The following SIPA1L3 variants were observed in gnomAD, a reference collection of about 807,000 sequenced individuals.
The protein encoded by SIPA1L3 is signal-induced proliferation-associated 1-like protein 3.
SIPA1L3 carries 59 observed loss-of-function variants against 150.1 expected under a neutral mutation model. The observed-to-expected ratio is 0.39, with a 90% CI of 0.32 to 0.49. SIPA1L3 has a LOEUF of 0.49. SIPA1L3 is among the 20% of genes least tolerant of loss of function. SIPA1L3 has a pLI of 0.86. For synonymous variants in SIPA1L3, 1,070 were observed against 1,077.6 expected, an observed-to-expected ratio of 0.99 and a Z score of 0.14; for missense variants, 2,211 against 2,489.5, an observed-to-expected ratio of 0.89 and a Z score of 2.38.
chr19:37,999,356 G>A (rs545982495), intron 1 of SIPA1L3, among the ~76,000 whole-genome samples: 33 of 152,254 alleles, frequency 2.2e-4, no homozygotes, highest in African/African-American at 7.0e-4. Flanking sequence ...GTGTGATGAC[G>A]GCAAAAACGT....
chr19:37,917,730 C>G (rs765139844), intron 1 of SIPA1L3, among the ~76,000 whole-genome samples: 11 of 152,098 alleles, frequency 7.2e-5, no homozygotes, highest in Admixed American at 6.6e-4. Flanking sequence ...TGAGGCCGGT[C>G]GTAGAAGATC....
At chr19:38,100,817 G>A (rs940984381) in intron 5 of SIPA1L3, among the ~76,000 whole-genome samples, 1 of 152,252 alleles carries the variant, frequency 6.6e-6, no homozygotes, top group Non-Finnish European at 1.5e-5. Context: ...CCGCCATAGC[G>A]AGAAGAGGCG....
At chr19:38,204,765 CA>C (rs546411315) in intron 21 of SIPA1L3, among the ~76,000 whole-genome samples, 79 of 148,158 alleles carry the variant, frequency 5.3e-4, no homozygotes, top group African/African-American at 1.8e-3. Context: ...GACTCCATCT[CA>C]AAAAAAAAGA....
chr19:38,014,606 G>A (rs952994752), intron 1 of SIPA1L3, among the ~76,000 whole-genome samples: 1 of 143,698 alleles, frequency 7.0e-6, no homozygotes, highest in African/African-American at 2.6e-5. Context: ...AGGCTGGAGT[G>A]CAGTGGTACA....
chr19:38,043,773 A>T, intron 2 of SIPA1L3, among the ~76,000 whole-genome samples: 1 of 152,226 alleles, frequency 6.6e-6, no homozygotes, highest in South Asian at 2.1e-4. Flanking sequence ...CACCTGCTTC[A>T]GTGGCTACGA....
At chr19:37,934,886 G>A (rs1437192686) in intron 1 of SIPA1L3, among the ~76,000 whole-genome samples, 2 of 152,172 alleles carry the variant, frequency 1.3e-5, no homozygotes, top group African/African-American at 4.8e-5. Flanking sequence ...GCTCTTTTTA[G>A]TGGCTGCGTA....
chr19:37,912,602 C>G (rs1182472479), intron 1 of SIPA1L3, among the ~76,000 whole-genome samples: 3 of 152,076 alleles, frequency 2.0e-5, no homozygotes, highest in Non-Finnish European at 2.9e-5. Flanking sequence ...CTCAAGTGAT[C>G]CTCCCACCTC....
chr19:38,039,313 T>TA (rs1220504295), intron 2 of SIPA1L3, among the ~76,000 whole-genome samples: 2 of 133,908 alleles, frequency 1.5e-5, no homozygotes, highest in Non-Finnish European at 3.0e-5. Flanking sequence ...CACTTGTACC[T>TA]AAAAAATGCC....
At chr19:38,205,585 G>A (rs1973191770) in intron 21 of SIPA1L3, among the ~76,000 whole-genome samples, 1 of 152,082 alleles carries the variant, frequency 6.6e-6, no homozygotes, top group Non-Finnish European at 1.5e-5. Flanking sequence ...AGGGGCCCAG[G>A]TTCTGACCCC....
At chr19:38,084,496 C>T (rs1330360488) in intron 3 of SIPA1L3, among the ~76,000 whole-genome samples, 1 of 136,988 alleles carries the variant, frequency 7.3e-6, no homozygotes, top group African/African-American at 2.8e-5. Flanking sequence ...CTGGGAAACG[C>T]AGGTTTTTAG....
intron 1 of SIPA1L3, among the ~76,000 whole-genome samples, chr19:38,005,660 T>G (rs935975452): frequency 6.6e-6 from 1 of 152,170 alleles, no homozygotes; most frequent in Non-Finnish European, 1.5e-5. Context: ...AAATCTGTTT[T>G]GTTAAAGGTA....
intron 1 of SIPA1L3, among the ~76,000 whole-genome samples, chr19:37,985,418 C>A (rs1245401754): frequency 6.6e-6 from 1 of 151,996 alleles, no homozygotes. Flanking sequence ...GTTCCAGCTA[C>A]CGGGGAGGCT....
intron 1 of SIPA1L3, among the ~76,000 whole-genome samples, chr19:37,981,422 CAAAA>C (rs774199467): frequency 2.6e-4 from 19 of 72,518 alleles, no homozygotes; most frequent in African/African-American, 5.3e-4. Flanking sequence ...GACCCTGTCT[CAAAA>C]AAAAAAAAAA....
intron 1 of SIPA1L3, among the ~76,000 whole-genome samples, chr19:37,979,147 T>C (rs184503583): frequency 6.6e-6 from 1 of 152,192 alleles, no homozygotes; most frequent in Non-Finnish European, 1.5e-5. Flanking sequence ...GCGGGCGAGA[T>C]CCAACTCACT....
At chr19:38,033,555 G>A (rs972199149) in intron 2 of SIPA1L3, among the ~76,000 whole-genome samples, 3 of 152,098 alleles carry the variant, frequency 2.0e-5, no homozygotes, top group Admixed American at 2.0e-4. Flanking sequence ...AGGCTTGGTG[G>A]CATGCACCTG....
chr19:37,972,921 C>T (rs1456418792), intron 1 of SIPA1L3, among the ~76,000 whole-genome samples: 5 of 152,116 alleles, frequency 3.3e-5, no homozygotes, highest in Non-Finnish European at 7.3e-5. Flanking sequence ...GAGCATGACC[C>T]AGAAGTTGCA....
At chr19:38,094,393 C>T (rs977220741) in intron 4 of SIPA1L3, among the ~76,000 whole-genome samples, 1 of 152,132 alleles carries the variant, frequency 6.6e-6, no homozygotes, top group Admixed American at 6.6e-5. Flanking sequence ...AGACCACAGG[C>T]ATGCACCACC....
At chr19:37,969,624 A>G (rs1036693164) in intron 1 of SIPA1L3, among the ~76,000 whole-genome samples, 5 of 152,168 alleles carry the variant, frequency 3.3e-5, no homozygotes, top group Non-Finnish European at 2.9e-5. Context: ...GTCCCCCGTG[A>G]TGCAGCCGTG....
At chr19:38,152,740 G>A (rs966776822) in intron 12 of SIPA1L3, 100 bp from the exon 13 acceptor site, 161 of 1,375,410 alleles carry the variant, frequency 1.2e-4, no homozygotes, top group Non-Finnish European at 1.5e-4. Context: ...CCTCCCGTGT[G>A]TCTAAAACCC....
Sources: allele counts gnomAD v4.1 joint callset (sites outside exome capture counted in the v4.1 genomes callset), GRCh38; gene constraint gnomAD v4.1.1; transcripts MANE v1.5; gene names NCBI Gene and HGNC (gene_info 2026-07-23, HGNC 2026-07-21).